Variants in NAA15 observed in about 807,000 individuals in gnomAD.
The protein encoded by NAA15 is N-terminal acetyltransferase.
A neutral mutation model predicts 114.0 loss-of-function variants in NAA15; 34 were observed. The ratio of observed to expected loss-of-function variants is 0.30; its 90% CI spans 0.23 to 0.40. The LOEUF (loss-of-function observed/expected upper bound fraction) is 0.40, where lower values mean the gene tolerates loss of function less well. Among genes scored for constraint, NAA15 ranks in the 10% least tolerant of loss-of-function variants. The pLI, the probability that NAA15 is intolerant of heterozygous loss-of-function variation, is 1.00. For synonymous variants in NAA15, 340 were observed against 338.0 expected (o/e 1.01, Z -0.06); for missense variants, 658 against 1,004.5 (o/e 0.66, Z 4.66).
At position 139,380,258 on chromosome 4, in the gene NAA15, T is replaced by TG. The variant is rs35235136; in HGVS notation, c.2155+1414dup. Among the ~76,000 whole-genome samples the TG allele has an allele frequency of 2.1e-3, 305 of 144,012 alleles. 1 individual carries two copies. The highest frequency in any genetic ancestry group is 0.014 in the South Asian group (59 of 4,226). 94.5% of individuals were successfully genotyped at this position (144,012 alleles called of 152,430 possible). A position where few individuals can be genotyped will look rare whatever the true frequency, so the allele number is the denominator to read the frequency against. Reference sequence around the variant, plus strand: ...GTAGTTTGTTTCTCTTTAGTTTTTTTGGGGGGGGGGAGTATGAAAAATAAC... The same window carrying TG: ...GTAGTTTGTTTCTCTTTAGTTTTTTTGGGGGGGGGGGAGTATGAAAAATAAC... On this transcript the variant is annotated intron_variant, in intron 17 of 19. Coordinates refer to ENST00000296543, the MANE Select transcript of NAA15 (RefSeq NM_057175.5).
At chr4:139,360,416 T>G in intron 12 of NAA15, 84 bp from the exon 13 acceptor site, 2 of 1,310,850 alleles carry the variant, frequency 1.5e-6, no homozygotes, top group Non-Finnish European at 2.0e-6. Context: ...CCCAATCAGC[T>G]TAACATCTTT....
chr4:139,379,741 C>T (rs1748689814), intron 17 of NAA15, among the ~76,000 whole-genome samples: 1 of 152,086 alleles, frequency 6.6e-6, no homozygotes, highest in African/African-American at 2.4e-5. Context: ...GCTAAATTGT[C>T]CCAATTGAGA....
intron 14 of NAA15, among the ~76,000 whole-genome samples, chr4:139,365,446 T>A (rs969201585): frequency 1.3e-5 from 2 of 152,186 alleles, no homozygotes; most frequent in African/African-American, 2.4e-5. Flanking sequence ...TTACCATGAC[T>A]CTGAGTTATT....
chr4:139,336,918 T>C lies in NAA15; in HGVS notation c.210T>C (p.Arg70=), dbSNP rs374554888. 1.2e-6 allele frequency: 2 copies of C among 1,602,304 alleles called. No homozygotes were observed. Among genetic ancestry groups the C allele is most frequent in the Non-Finnish European group, 1.7e-6 (2 of 1,174,056 alleles). The part of the protein sequence containing the change: ...GKKEEAYELV[R]RGLRNDLKSH... ...AGGAAGAAGCTTATGAATTGGTTCG[T>C]AGAGGTTTGAGAAATGACTTGAAGA... Residue 70 remains arginine, a synonymous_variant, in exon 3 of 20, where the codon CGT becomes CGC. Transcript: ENST00000296543.
intron 1 of NAA15, among the ~76,000 whole-genome samples, chr4:139,332,013 A>T (rs1239850505): frequency 2.6e-5 from 4 of 152,096 alleles, no homozygotes; most frequent in Non-Finnish European, 5.9e-5. Flanking sequence ...CAAGCACACT[A>T]GTTCGATTTT....
intron 10 of NAA15, among the ~76,000 whole-genome samples, chr4:139,354,759 C>G (rs1045083747): frequency 2.0e-5 from 3 of 152,142 alleles, no homozygotes; most frequent in African/African-American, 7.2e-5. Flanking sequence ...TTCTCTACTC[C>G]CATATTGTTC....
At chr4:139,313,867 A>G (rs2110842248) in intron 1 of NAA15, among the ~76,000 whole-genome samples, 1 of 151,998 alleles carries the variant, frequency 6.6e-6, no homozygotes, top group African/African-American at 2.4e-5. Flanking sequence ...TGCTTTATAT[A>G]CAGGTAATTC....
At chr4:139,384,602 C>T (rs528643145) in intron 17 of NAA15, among the ~76,000 whole-genome samples, 1 of 151,972 alleles carries the variant, frequency 6.6e-6, no homozygotes, top group South Asian at 2.1e-4. Flanking sequence ...TAATTTAACT[C>T]CTATAGGCTG....
chr4:139,307,316 T>C (rs985140348), intron 1 of NAA15, among the ~76,000 whole-genome samples: 2 of 152,228 alleles, frequency 1.3e-5, no homozygotes, highest in African/African-American at 4.8e-5. Flanking sequence ...TCACACAGTC[T>C]GGAGTGCAGT....
chr4:139,311,426 A>T (rs1284957784), intron 1 of NAA15, among the ~76,000 whole-genome samples: 1 of 152,018 alleles, frequency 6.6e-6, no homozygotes, highest in Non-Finnish European at 1.5e-5. Context: ...AAGGGAGTTA[A>T]GCTGGGCTTT....
chr4:139,304,335 C>T (rs1322666274), intron 1 of NAA15, among the ~76,000 whole-genome samples: 2 of 152,254 alleles, frequency 1.3e-5, no homozygotes. Flanking sequence ...TAATACCTTG[C>T]AAAACCATGG....
chr4:139,315,010 G>GTTTA (rs57588273), intron 1 of NAA15, among the ~76,000 whole-genome samples: 38,211 of 100,604 alleles, frequency 0.38, 7,393 homozygotes, highest in South Asian at 0.54. Flanking sequence ...GTTTAGTTTA[G>GTTTA]GTTAGGTTAG....
At chr4:139,317,283 T>C (rs1216342423) in intron 1 of NAA15, among the ~76,000 whole-genome samples, 1 of 151,898 alleles carries the variant, frequency 6.6e-6, no homozygotes, top group Non-Finnish European at 1.5e-5. Flanking sequence ...TTGCTCTTTT[T>C]CTTGGCCTGT....
intron 1 of NAA15, among the ~76,000 whole-genome samples, chr4:139,321,933 G>A (rs1370355113): frequency 6.6e-6 from 1 of 151,960 alleles, no homozygotes; most frequent in Admixed American, 6.6e-5. Flanking sequence ...TGTAGGTCAT[G>A]GGTTAGTTTC....
chr4:139,333,666 A>C (rs1747104969), intron 1 of NAA15, among the ~76,000 whole-genome samples: 1 of 152,180 alleles, frequency 6.6e-6, no homozygotes, highest in African/African-American at 2.4e-5. Context: ...TGCTTGAGTG[A>C]GTCCTGAGAT....
Position 139,317,359 on chromosome 4 carries a change from G to C in NAA15, c.54+15528G>C, listed in dbSNP as rs542218576. On this transcript the variant is annotated intron_variant, in intron 1 of 19. Coordinates refer to ENST00000296543, the MANE Select transcript of NAA15 (RefSeq NM_057175.5). ...GGATCGTGGGCCGGGCGCGGTGGCTGACGCCTGTAATCCCAGCACTTTGGG... is the reference window on the plus strand; with the variant it reads ...GGATCGTGGGCCGGGCGCGGTGGCTCACGCCTGTAATCCCAGCACTTTGGG... Among the ~76,000 whole-genome samples, 1,352 of 151,456 alleles carry C rather than the reference G, an allele frequency of 8.9e-3. 10 individuals carry two copies. The highest frequency in any genetic ancestry group is 0.023 in the East Asian group (116 of 5,106).
Position 139,351,610 on chromosome 4 carries a change from A to G in NAA15, c.1013A>G (p.Lys338Arg), listed in dbSNP as rs530694036. ...AGATCATTATACAAAGACAAAGAAA[A>G]GGTAAAGTGAAATATGATACTTTCT... Reference protein sequence around the residue: ...TLRSLYKDKEKVAIIEELVVG... With the variant: ...TLRSLYKDKERVAIIEELVVG... Residue 338 changes from lysine (K) to arginine (R), a missense_variant and splice_region_variant, in exon 9 of 20, where the codon AAG (lysine) becomes AGG (arginine). Transcript: ENST00000296543. 5 of 1,458,230 alleles carry G rather than the reference A, an allele frequency of 3.4e-6. No homozygotes were observed. The East Asian group carries it at 1.1e-4, about 33-fold the overall frequency. The allele number at this position is 1,458,230 out of a possible 1,614,324, so 90.3% of individuals were successfully genotyped here. A position where few individuals can be genotyped will look rare whatever the true frequency, so the allele number is the denominator to read the frequency against.
intron 1 of NAA15, among the ~76,000 whole-genome samples, chr4:139,303,366 G>GA (rs1280169719): frequency 6.6e-6 from 1 of 151,898 alleles, no homozygotes; most frequent in Non-Finnish European, 1.5e-5. Flanking sequence ...TCTTTATTTT[G>GA]AAAAAAATGA....
chr4:139,323,858 T>C (rs1214846591), intron 1 of NAA15, among the ~76,000 whole-genome samples: 2 of 152,146 alleles, frequency 1.3e-5, no homozygotes, highest in Admixed American at 6.6e-5. Context: ...AGTCTCAGAG[T>C]GTATGGTGCC....
Sources: allele counts gnomAD v4.1 joint callset (sites outside exome capture counted in the v4.1 genomes callset), GRCh38; gene constraint gnomAD v4.1.1; transcripts MANE v1.5; gene names NCBI Gene and HGNC (gene_info 2026-07-23, HGNC 2026-07-21).